The following OSBPL9 variants were observed in gnomAD, a reference collection of about 807,000 sequenced individuals.
OSBPL9 encodes the protein oxysterol binding protein like 9.
In OSBPL9, 40 loss-of-function variants were observed where a neutral mutation model predicts 106.6. That is an observed-to-expected ratio of 0.38 (90% CI 0.29 to 0.49). The LOEUF is 0.49. Ranked by LOEUF, OSBPL9 falls within the 20% of genes least tolerant of loss-of-function variation. The probability of loss-of-function intolerance (pLI) is 0.97; values close to 1 mark genes in which losing one functional copy is unlikely to be tolerated. For synonymous variants in OSBPL9, 269 were observed against 295.4 expected, an observed-to-expected ratio of 0.91 and a Z score of 0.92; for missense variants, 609 against 887.2, an observed-to-expected ratio of 0.69 and a Z score of 3.98.
intron 3 of OSBPL9, among the ~76,000 whole-genome samples, chr1:51,712,477 C>T (rs995835370): frequency 3.3e-5 from 5 of 152,116 alleles, no homozygotes; most frequent in Admixed American, 2.6e-4. Flanking sequence ...GACTTACTGT[C>T]TTTTGTTCTC....
chr1:51,776,529 G>C (rs1350116538), intron 14 of OSBPL9, among the ~76,000 whole-genome samples: 1 of 152,204 alleles, frequency 6.6e-6, no homozygotes, highest in African/African-American at 2.4e-5. Flanking sequence ...ATTCCTCTGA[G>C]TGAGTTTGTT....
At chr1:51,618,424 G>T (rs1644219887) in intron 1 of OSBPL9, among the ~76,000 whole-genome samples, 2 of 152,140 alleles carry the variant, frequency 1.3e-5, no homozygotes, top group African/African-American at 4.8e-5. Flanking sequence ...TCTCTGAATG[G>T]TGTATAGTTG....
At chr1:51,773,245 A>G (rs528779838) in intron 14 of OSBPL9, among the ~76,000 whole-genome samples, 1 of 152,314 alleles carries the variant, frequency 6.6e-6, no homozygotes, top group African/African-American at 2.4e-5. Context: ...AAAATGACAC[A>G]TATTGAGTCA....
intron 4 of OSBPL9, among the ~76,000 whole-genome samples, chr1:51,739,605 C>A (rs79165765): frequency 3.3e-5 from 5 of 152,058 alleles, no homozygotes; most frequent in African/African-American, 1.2e-4. Flanking sequence ...AGGTTTAATA[C>A]TAGGCTCAAT....
chr1:51,732,483 A>C (rs1462773789), intron 4 of OSBPL9, among the ~76,000 whole-genome samples: 3 of 152,242 alleles, frequency 2.0e-5, no homozygotes, highest in Non-Finnish European at 2.9e-5. Flanking sequence ...TTATACTGAC[A>C]ATGTAATTAA....
intron 4 of OSBPL9, among the ~76,000 whole-genome samples, chr1:51,736,081 G>T (rs1439689835): frequency 6.6e-6 from 1 of 152,124 alleles, no homozygotes; most frequent in African/African-American, 2.4e-5. Context: ...GCACATTGCA[G>T]AATTCCTTAA....
chr1:51,538,886 C>T, the OSBPL9 span, among the ~76,000 whole-genome samples: 1 of 152,154 alleles, frequency 6.6e-6, no homozygotes, highest in East Asian at 1.9e-4. Flanking sequence ...ACTTTCTCGT[C>T]TCTTGGTTTT....
At chr1:51,610,691 GC>G (rs1452471969) in intron 2 of OSBPL9, among the ~76,000 whole-genome samples, 3 of 152,222 alleles carry the variant, frequency 2.0e-5, no homozygotes, top group African/African-American at 7.2e-5. Context: ...GCTCCTCTCA[GC>G]CAACCCAAAT....
intron 1 of OSBPL9, among the ~76,000 whole-genome samples, chr1:51,651,241 G>A (rs1646498815): frequency 6.6e-6 from 1 of 152,134 alleles, no homozygotes; most frequent in South Asian, 2.1e-4. Flanking sequence ...TACCCATTTG[G>A]GGAATTGCAG....
chr1:51,683,836 C>G (rs1460396846), intron 3 of OSBPL9, among the ~76,000 whole-genome samples: 2 of 151,286 alleles, frequency 1.3e-5, no homozygotes, highest in Admixed American at 6.6e-5. Context: ...AATGGATGAA[C>G]CTGAAGGACA....
chr1:51,783,081 A>G (rs1402974384), intron 17 of OSBPL9, among the ~76,000 whole-genome samples: 1 of 152,194 alleles, frequency 6.6e-6, no homozygotes, highest in Non-Finnish European at 1.5e-5. Flanking sequence ...ACCCTCCTGT[A>G]TACTTGAGTC....
chr1:51,737,111 A>C (rs1436911333), intron 4 of OSBPL9, among the ~76,000 whole-genome samples: 5 of 151,800 alleles, frequency 3.3e-5, no homozygotes, highest in Admixed American at 3.3e-4. Flanking sequence ...ATTCCAGTAT[A>C]GTGATTACGA....
chr1:51,764,969 T>C (rs2149081144), intron 11 of OSBPL9, among the ~76,000 whole-genome samples: 1 of 152,350 alleles, frequency 6.6e-6, no homozygotes, highest in South Asian at 2.1e-4. Flanking sequence ...TAATAAACTT[T>C]AGTCTTCACC....
chr1:51,674,036 C>G (rs1394126725), intron 3 of OSBPL9, among the ~76,000 whole-genome samples: 1 of 150,182 alleles, frequency 6.7e-6, no homozygotes, highest in Non-Finnish European at 1.5e-5. Context: ...CTCTCCCTCT[C>G]TCTTTCTTTC....
chr1:51,700,712 T>C (rs974526316), intron 3 of OSBPL9, among the ~76,000 whole-genome samples: 3 of 152,240 alleles, frequency 2.0e-5, no homozygotes, highest in African/African-American at 7.2e-5. Flanking sequence ...GATCACTTGA[T>C]TAAGATAGTG....
the OSBPL9 span, among the ~76,000 whole-genome samples, chr1:51,522,037 G>A: frequency 6.6e-6 from 1 of 152,102 alleles, no homozygotes; most frequent in Admixed American, 6.5e-5. Flanking sequence ...GATTACAGGC[G>A]TGAGCCACCG....
At chr1:51,705,349 T>G (rs143778211) in intron 3 of OSBPL9, among the ~76,000 whole-genome samples, 1 of 137,778 alleles carries the variant, frequency 7.3e-6, no homozygotes, top group African/African-American at 2.7e-5. Flanking sequence ...TCAACCATTC[T>G]CCTCTGTATG....
chr1:51,714,563 T>C (rs967782077), intron 4 of OSBPL9, among the ~76,000 whole-genome samples: 10 of 152,208 alleles, frequency 6.6e-5, no homozygotes, highest in African/African-American at 1.7e-4. Context: ...TGGTTAGATG[T>C]GGTTTGAATT....
Position 51,714,078 on chromosome 1 carries a change from A to T in OSBPL9, c.317A>T (p.Gln106Leu). 1 of 1,604,936 alleles carries T rather than the reference A, an allele frequency of 6.2e-7. No individual in the cohort carries two copies. The highest frequency in any genetic ancestry group is 8.5e-7 in the Non-Finnish European group (1 of 1,174,486). Reference protein sequence around the residue: ...ETILRHTLQLQGLDSGFVPSV... With the variant: ...ETILRHTLQLLGLDSGFVPSV... ...ATTCTTCGACATACTCTCCAGCTTCAAGTAAGGGTCTTTACATGGTTTCCA... is the reference window on the plus strand; with the variant it reads ...ATTCTTCGACATACTCTCCAGCTTCTAGTAAGGGTCTTTACATGGTTTCCA... The change falls in exon 4 of 24, where the codon CAA (glutamine) becomes CTA (leucine). Residue 106 changes from glutamine (Q) to leucine (L), a missense_variant and splice_region_variant. Transcript: ENST00000428468.
Sources: allele counts gnomAD v4.1 joint callset (sites outside exome capture counted in the v4.1 genomes callset), GRCh38; gene constraint gnomAD v4.1.1; transcripts MANE v1.5; gene names NCBI Gene and HGNC (gene_info 2026-07-23, HGNC 2026-07-21).